ANKRD33B: variants seen among roughly 807,000 people sequenced by gnomAD.
The protein encoded by ANKRD33B is ankyrin repeat domain-containing protein 33B.
In ANKRD33B, 6 loss-of-function variants were observed where a neutral mutation model predicts 21.5. That is an observed-to-expected ratio of 0.28 (90% confidence interval 0.15 to 0.55). The LOEUF (loss-of-function observed/expected upper bound fraction) is 0.55, where lower values mean the gene tolerates loss of function less well. Among genes scored for constraint, ANKRD33B ranks in the 20% least tolerant of loss-of-function variants. ANKRD33B has a pLI of 0.94. For missense variants in ANKRD33B, 698 were observed against 747.2 expected (o/e 0.93, Z 0.77); for synonymous variants, 347 against 342.4 (o/e 1.01, Z -0.15).
At chr5:10,618,240 CT>C (rs1736330383) in intron 1 of ANKRD33B, 92 bp from the exon 2 acceptor site, 1 of 1,501,466 alleles carries the variant, frequency 6.7e-7, no homozygotes, top group East Asian at 2.4e-5. Context: ...GTCCAGCCCC[CT>C]GGAGGGTAGT....
intron 1 of ANKRD33B, 24 bp from the exon 2 acceptor site, chr5:10,618,309 C>G (rs1461960731): frequency 6.5e-7 from 1 of 1,536,238 alleles, no homozygotes; most frequent in Admixed American, 2.0e-5. Context: ...GCCCCTCTGA[C>G]CCGCTTCCCC....
At position 10,564,373 on chromosome 5, in the gene ANKRD33B, G is replaced by A; in HGVS notation, c.-95G>A. ...GCGCGCGGGCCACGGCTTCTCTGGGGACGCAGAAGCGAGAAGCGGGGACCT... is the reference window on the plus strand; with the variant it reads ...GCGCGCGGGCCACGGCTTCTCTGGGAACGCAGAAGCGAGAAGCGGGGACCT... On this transcript the variant is annotated 5_prime_UTR_variant, in exon 1 of 4. Coordinates refer to ENST00000296657, the MANE Select transcript of ANKRD33B (RefSeq NM_001164440.2). 5.8e-6 allele frequency: 5 copies of A among 867,060 alleles called. No individual in the cohort carries two copies. Among genetic ancestry groups the A allele is most frequent in the Non-Finnish European group, 7.0e-6 (5 of 716,938 alleles). The allele number at this position is 867,060 out of a possible 1,614,324, so 53.7% of individuals were successfully genotyped here.
chr5:10,633,557 C>CGTGTCAATTCACCA (rs1736785226), intron 2 of ANKRD33B, among the ~76,000 whole-genome samples: 1 of 152,228 alleles, frequency 6.6e-6, no homozygotes, highest in Non-Finnish European at 1.5e-5. Flanking sequence ...TGAATGGACG[C>CGTGTCAATTCACCA]GTGTCAATTC....
chr5:10,641,494 T>G (rs56270360), intron 3 of ANKRD33B, among the ~76,000 whole-genome samples: 63,572 of 151,566 alleles, frequency 0.42, 13,600 homozygotes, highest in Middle Eastern at 0.56. Flanking sequence ...CTCCCAAAGT[T>G]CTGGGATTAT....
At chr5:10,645,402 C>T (rs1458443843) in intron 3 of ANKRD33B, among the ~76,000 whole-genome samples, 2 of 152,192 alleles carry the variant, frequency 1.3e-5, no homozygotes, top group Non-Finnish European at 2.9e-5. Flanking sequence ...CTGGGCCTGG[C>T]CATGGCTCCC....
chr5:10,636,503 G>C (rs771759170), intron 2 of ANKRD33B, among the ~76,000 whole-genome samples: 18 of 152,112 alleles, frequency 1.2e-4, no homozygotes, highest in Non-Finnish European at 2.6e-4. Context: ...TGTGAGCCCA[G>C]CTACTTGGGA....
intron 3 of ANKRD33B, among the ~76,000 whole-genome samples, chr5:10,644,001 GA>G (rs1293799888): frequency 1.8e-5 from 2 of 108,698 alleles, no homozygotes; most frequent in African/African-American, 3.7e-5. Context: ...AGATGGGTAA[GA>G]ATTAAAAAAA....
At chr5:10,587,234 C>T (rs575063528) in intron 1 of ANKRD33B, among the ~76,000 whole-genome samples, 8 of 151,802 alleles carry the variant, frequency 5.3e-5, no homozygotes, top group South Asian at 2.1e-4. Context: ...AGGTTGATCT[C>T]GAACTCCTGA....
At chr5:10,613,386 G>T (rs1428352400) in intron 1 of ANKRD33B, among the ~76,000 whole-genome samples, 1 of 150,408 alleles carries the variant, frequency 6.6e-6, no homozygotes, top group Non-Finnish European at 1.5e-5. Context: ...CCGGGTTCAT[G>T]CCATTCTCCT....
chr5:10,596,330 C>A (rs1735816296), intron 1 of ANKRD33B, among the ~76,000 whole-genome samples: 1 of 152,184 alleles, frequency 6.6e-6, no homozygotes, highest in African/African-American at 2.4e-5. Context: ...CCTCACACCC[C>A]CTGATAAGCC....
At chr5:10,591,934 A>G (rs1305883297) in intron 1 of ANKRD33B, among the ~76,000 whole-genome samples, 1 of 152,056 alleles carries the variant, frequency 6.6e-6, no homozygotes, top group Non-Finnish European at 1.5e-5. Context: ...TTGTATATTT[A>G]TTGTTATCTT....
intron 1 of ANKRD33B, among the ~76,000 whole-genome samples, chr5:10,580,411 C>T (rs1325698947): frequency 6.6e-6 from 1 of 152,234 alleles, no homozygotes; most frequent in African/African-American, 2.4e-5. Flanking sequence ...CTTGCTGGGG[C>T]AGCAGGGTCA....
At chr5:10,648,791 A>G (rs1436783780) in intron 3 of ANKRD33B, among the ~76,000 whole-genome samples, 1 of 151,778 alleles carries the variant, frequency 6.6e-6, no homozygotes, top group African/African-American at 2.4e-5. Context: ...TAGGTGCTGA[A>G]TTCAGGCGGG....
In ANKRD33B at chr5:10,653,175, C is replaced by T. The variant is rs1579765891; in HGVS notation, c.*3062C>T. 2 of 153,272 alleles carry T rather than the reference C, an allele frequency of 1.3e-5. No individual in the cohort carries two copies. The highest frequency in any genetic ancestry group is 1.9e-4 in the East Asian group (1 of 5,344). The allele number at this position is 153,272 out of a possible 1,614,324, so 9.5% of individuals were successfully genotyped here. On this transcript the variant is annotated 3_prime_UTR_variant, in exon 4 of 4. Coordinates refer to ENST00000296657, the MANE Select transcript of ANKRD33B (RefSeq NM_001164440.2). ...AGCTGTGGCCTGCCTGTGGACAGCC[C>T]TTCCCTTTGGCCCATGCGGCGGGTC... is the stretch of plus-strand genomic sequence containing the variant.
Position 10,656,397 on chromosome 5 carries a change from T to TGTGG in ANKRD33B, c.*6284_*6285insGTGG, listed in dbSNP as rs1737488939. 2 of 152,376 alleles carry TGTGG rather than the reference T, an allele frequency of 1.3e-5. No homozygotes were observed. The highest frequency in any genetic ancestry group is 2.9e-5 in the Non-Finnish European group (2 of 68,058). The allele number at this position is 152,376 out of a possible 1,614,324, so 9.4% of individuals were successfully genotyped here. On this transcript the variant is annotated 3_prime_UTR_variant, in exon 4 of 4. Transcript: ENST00000296657. The stretch of plus-strand genomic sequence containing the variant: ...CAGTGCCAATGTGGACAGTGTACAC[T>TGTGG]AAGCTGTGAGTGTGTGCACGGGCGA...
At chr5:10,564,866 C>T (rs974530156) in intron 1 of ANKRD33B, 33 bp downstream of exon 1, 1 of 1,469,274 alleles carries the variant, frequency 6.8e-7, no homozygotes, top group Non-Finnish European at 9.0e-7. Context: ...TTTGAGCCCC[C>T]TCACTGCCCC....
At chr5:10,631,747 A>G (rs1736716808) in intron 2 of ANKRD33B, among the ~76,000 whole-genome samples, 1 of 152,220 alleles carries the variant, frequency 6.6e-6, no homozygotes, top group African/African-American at 2.4e-5. Context: ...TCAAAAAGCA[A>G]CAGCGTTAGC....
At chr5:10,595,442 T>C (rs977034109) in intron 1 of ANKRD33B, among the ~76,000 whole-genome samples, 3 of 152,208 alleles carry the variant, frequency 2.0e-5, no homozygotes, top group Non-Finnish European at 4.4e-5. Context: ...TCTGTCCTCA[T>C]CTGTCCTCTG....
intron 1 of ANKRD33B, among the ~76,000 whole-genome samples, chr5:10,609,554 C>T (rs922294924): frequency 1.3e-5 from 2 of 152,074 alleles, no homozygotes; most frequent in African/African-American, 4.8e-5. Flanking sequence ...AAAAATTTTC[C>T]ATTACATTTG....
Sources: allele counts gnomAD v4.1 joint callset (sites outside exome capture counted in the v4.1 genomes callset), GRCh38; gene constraint gnomAD v4.1.1; transcripts MANE v1.5; gene names NCBI Gene and HGNC (gene_info 2026-07-23, HGNC 2026-07-21).